VGLL4: variants seen among roughly 807,000 people sequenced by gnomAD.
VGLL4 encodes the protein transcription cofactor vestigial-like protein 4.
In VGLL4, 7 loss-of-function variants were observed where a neutral mutation model predicts 21.0. The ratio of observed to expected loss-of-function variants is 0.33; its 90% confidence interval spans 0.19 to 0.63. VGLL4 has a LOEUF of 0.63. VGLL4 is among the 20% of genes least tolerant of loss of function. The probability of loss-of-function intolerance (pLI) is 0.78; values close to 1 mark genes in which losing one functional copy is unlikely to be tolerated. For synonymous variants in VGLL4, 222 were observed against 173.2 expected (o/e 1.28, Z -2.21); for missense variants, 394 against 425.7 (o/e 0.93, Z 0.66).
intron 2 of VGLL4, among the ~76,000 whole-genome samples, chr3:11,574,632 A>G (rs2073973911): frequency 6.6e-6 from 1 of 152,202 alleles, no homozygotes; most frequent in Non-Finnish European, 1.5e-5. Flanking sequence ...CACAGTTTCA[A>G]ACAACATCCA....
chr3:11,662,650 T>C (rs1416683847), intron 2 of VGLL4, among the ~76,000 whole-genome samples: 2 of 152,230 alleles, frequency 1.3e-5, no homozygotes, highest in Non-Finnish European at 2.9e-5. Context: ...TGCCATGTAA[T>C]ACGGATCTGG....
intron 1 of VGLL4, among the ~76,000 whole-genome samples, chr3:11,624,751 A>T (rs2075322705): frequency 6.6e-6 from 1 of 152,196 alleles, no homozygotes; most frequent in South Asian, 2.1e-4. Context: ...CCAAACTGTA[A>T]ATTTCTCAAA....
intron 2 of VGLL4, among the ~76,000 whole-genome samples, chr3:11,660,943 A>C (rs1336439583): frequency 6.6e-6 from 1 of 152,204 alleles, no homozygotes; most frequent in Non-Finnish European, 1.5e-5. Flanking sequence ...AAGATTGAAT[A>C]CCAAACAGCA....
chr3:11,715,839 T>C (rs926011120), intron 1 of VGLL4, among the ~76,000 whole-genome samples: 3 of 152,192 alleles, frequency 2.0e-5, no homozygotes, highest in African/African-American at 4.8e-5. Context: ...TGTTGATTCA[T>C]TAATGTTGAA....
At chr3:11,646,090 A>C (rs1409962400), upstream of VGLL4, among the ~76,000 whole-genome samples, 1 of 152,236 alleles carries the variant, frequency 6.6e-6, no homozygotes, top group Non-Finnish European at 1.5e-5. Flanking sequence ...AGGGGAATCA[A>C]GATTTCACAA....
chr3:11,580,449 T>C (rs922145131), intron 2 of VGLL4, among the ~76,000 whole-genome samples: 1 of 152,256 alleles, frequency 6.6e-6, no homozygotes, highest in Admixed American at 6.5e-5. Flanking sequence ...AATGCTGCTA[T>C]GAACATGGGT....
At chr3:11,684,730 C>CTGTG (rs61220485) in intron 2 of VGLL4, among the ~76,000 whole-genome samples, 7,102 of 148,750 alleles carry the variant, frequency 0.048, 526 homozygotes, top group African/African-American at 0.16. Context: ...CAACCTTTTT[C>CTGTG]TGTGTGTGTG....
chr3:11,572,934 G>A (rs568755189), intron 2 of VGLL4, among the ~76,000 whole-genome samples: 2 of 152,146 alleles, frequency 1.3e-5, no homozygotes, highest in East Asian at 3.9e-4. Context: ...TTGGGAGGCC[G>A]AGACAGGTGG....
At chr3:11,651,719 A>G (rs1188970182) in intron 2 of VGLL4, among the ~76,000 whole-genome samples, 1 of 152,126 alleles carries the variant, frequency 6.6e-6, no homozygotes, top group African/African-American at 2.4e-5. Context: ...TTAAATATCA[A>G]TGACGTACAG....
intron 2 of VGLL4, among the ~76,000 whole-genome samples, chr3:11,583,371 A>C (rs181906543): frequency 6.6e-6 from 1 of 152,322 alleles, no homozygotes; most frequent in East Asian, 1.9e-4. Context: ...TGTCTTCCAA[A>C]TCCTGCCCTG....
At chr3:11,712,069 T>G (rs73128848) in intron 1 of VGLL4, among the ~76,000 whole-genome samples, 7,340 of 152,298 alleles carry the variant, frequency 0.048, 585 homozygotes, top group African/African-American at 0.17. Context: ...CTCTCTGCTC[T>G]TCTTGCTAAA....
chr3:11,669,649 T>G (rs1247520489), intron 2 of VGLL4, among the ~76,000 whole-genome samples: 1 of 152,220 alleles, frequency 6.6e-6, no homozygotes, highest in African/African-American at 2.4e-5. Flanking sequence ...TGTAATATTT[T>G]TATTCTAGAG....
intron 1 of VGLL4, among the ~76,000 whole-genome samples, chr3:11,714,919 A>G (rs2076898048): frequency 6.6e-6 from 1 of 152,096 alleles, no homozygotes; most frequent in South Asian, 2.1e-4. Context: ...GCGGATCACG[A>G]GGTCAGGAGA....
chr3:11,563,179 G>A (rs1278773157), intron 3 of VGLL4, among the ~76,000 whole-genome samples: 1 of 152,212 alleles, frequency 6.6e-6, no homozygotes, highest in Non-Finnish European at 1.5e-5. Context: ...TCACAGTTAT[G>A]TCCCCCAGGT....
At chr3:11,566,256 G>A (rs761018350) in intron 2 of VGLL4, among the ~76,000 whole-genome samples, 12 of 152,140 alleles carry the variant, frequency 7.9e-5, no homozygotes, top group South Asian at 6.2e-4. Context: ...TGTGATAGGC[G>A]TACCTTTCTA....
chr3:11,585,537 T>C (rs1288360531), intron 2 of VGLL4, among the ~76,000 whole-genome samples: 2 of 152,096 alleles, frequency 1.3e-5, no homozygotes, highest in Non-Finnish European at 2.9e-5. Flanking sequence ...GAGAAATCTA[T>C]TATGGTCTTG....
intron 1 of VGLL4, among the ~76,000 whole-genome samples, chr3:11,705,373 A>G (rs2076745584): frequency 6.6e-6 from 1 of 152,142 alleles, no homozygotes; most frequent in Non-Finnish European, 1.5e-5. Context: ...CTTGGCAGGC[A>G]GAGAGAGGAG....
chr3:11,697,386 C>G (rs2076620337), intron 2 of VGLL4, among the ~76,000 whole-genome samples: 2 of 152,098 alleles, frequency 1.3e-5, no homozygotes, highest in Admixed American at 1.3e-4. Context: ...GCATTACAGG[C>G]ATGAGCCACC....
intron 1 of VGLL4, among the ~76,000 whole-genome samples, chr3:11,704,694 G>C (rs1005251714): frequency 6.6e-6 from 1 of 152,198 alleles, no homozygotes; most frequent in Admixed American, 6.5e-5. Context: ...AAGCTAAGCA[G>C]CGTATTTTCC....
Sources: allele counts gnomAD v4.1 joint callset (sites outside exome capture counted in the v4.1 genomes callset), GRCh38; gene constraint gnomAD v4.1.1; transcripts MANE v1.5; gene names NCBI Gene and HGNC (gene_info 2026-07-23, HGNC 2026-07-21).